SEMA6A: variants seen among roughly 807,000 people sequenced by gnomAD.
The protein encoded by SEMA6A is semaphorin-6A.
SEMA6A carries 25 observed loss-of-function variants against 96.8 expected under a neutral mutation model. The observed-to-expected ratio is 0.26, with a 90% confidence interval of 0.19 to 0.36. The LOEUF (loss-of-function observed/expected upper bound fraction) is 0.36. Ranked by LOEUF, SEMA6A falls within the 10% of genes least tolerant of loss-of-function variation. SEMA6A has a pLI of 1.00. For synonymous variants in SEMA6A, 612 were observed against 518.0 expected, an observed-to-expected ratio of 1.18 and a Z score of -2.46; for missense variants, 1,363 against 1,323.1, an observed-to-expected ratio of 1.03 and a Z score of -0.47.
intron 1 of SEMA6A, among the ~76,000 whole-genome samples, chr5:116,542,725 C>A (rs924220340): frequency 2.5e-4 from 38 of 152,132 alleles, no homozygotes; most frequent in Non-Finnish European, 4.0e-4. Context: ...TATCTTAAAC[C>A]CTGGTCAAGC....
At chr5:116,496,088 A>T (rs1016197092) in intron 5 of SEMA6A, 163 bp downstream of exon 5, 28 of 602,612 alleles carry the variant, frequency 4.6e-5, no homozygotes, top group Non-Finnish European at 7.9e-5. Flanking sequence ...TTAAAAGCAA[A>T]CTATTTTTGC....
chr5:116,568,445 G>T (rs576704928), intron 1 of SEMA6A, among the ~76,000 whole-genome samples: 1 of 152,222 alleles, frequency 6.6e-6, no homozygotes, highest in Admixed American at 6.5e-5. Flanking sequence ...AGAAACATGG[G>T]TTAATAAAGT....
chr5:116,507,627 A>G lies in SEMA6A; in HGVS notation c.-38-2645T>C, dbSNP rs190457246. Among the ~76,000 whole-genome samples, 492 of 152,360 alleles carry G rather than the reference A, an allele frequency of 3.2e-3. 4 individuals are homozygous for G. Among genetic ancestry groups the G allele is most frequent in the African/African-American group, 0.011 (445 of 41,594 alleles). On this transcript the variant is annotated intron_variant, in intron 1 of 18. Transcript: ENST00000343348. Reference sequence around the variant, plus strand: ...ACCCACATGTAGCATATTTATAGGTATCTGCAAACATTTGTCGATTTCCCT... The same window carrying G: ...ACCCACATGTAGCATATTTATAGGTGTCTGCAAACATTTGTCGATTTCCCT...
chr5:116,447,865 G>A, intron 18 of SEMA6A, 54 bp from the exon 19 acceptor site: 2 of 1,415,666 alleles, frequency 1.4e-6, no homozygotes, highest in Non-Finnish European at 1.9e-6. Flanking sequence ...CCCGAGGCTT[G>A]TTTTTGCTTG....
chr5:116,522,450 A>T (rs1759002585), intron 1 of SEMA6A, among the ~76,000 whole-genome samples: 1 of 152,152 alleles, frequency 6.6e-6, no homozygotes. Flanking sequence ...GGGTGAGGGA[A>T]TTTATAGGCA....
Position 116,447,216 on chromosome 5 carries a change from C to G in SEMA6A, c.2490G>C (p.Val830=). 1 of 1,614,046 alleles carries G rather than the reference C, an allele frequency of 6.2e-7. No individual in the cohort carries two copies. Among genetic ancestry groups the G allele is most frequent in the Non-Finnish European group, 8.5e-7 (1 of 1,179,898 alleles). The change falls in exon 19 of 19, where the codon GTG becomes GTC. Residue 830 remains valine, a synonymous_variant. Transcript: ENST00000343348. The stretch of plus-strand genomic sequence containing the variant: ...CCACCTCGCTCATTTTGGGCTGGTC[C>G]ACGTACTCATGCTGGTAGCCCTGCT... ...ITQQGYQHEY[V]DQPKMSEVAQ...
chr5:116,533,224 A>T (rs1408607240), intron 1 of SEMA6A, among the ~76,000 whole-genome samples: 2 of 149,292 alleles, frequency 1.3e-5, no homozygotes, highest in Non-Finnish European at 3.0e-5. Flanking sequence ...TGGGCTTTCT[A>T]CTCTATGTCA....
At chr5:116,520,006 C>T (rs1580467508) in intron 1 of SEMA6A, among the ~76,000 whole-genome samples, 1 of 152,268 alleles carries the variant, frequency 6.6e-6, no homozygotes, top group Admixed American at 6.5e-5. Flanking sequence ...CCAGTGGCTT[C>T]TTAATGTATT....
At chr5:116,463,111 C>A (rs550720847) in intron 18 of SEMA6A, among the ~76,000 whole-genome samples, 2 of 152,148 alleles carry the variant, frequency 1.3e-5, no homozygotes, top group Non-Finnish European at 2.9e-5. Context: ...CCAGTGTAAA[C>A]CCTATTCTCT....
intron 1 of SEMA6A, among the ~76,000 whole-genome samples, chr5:116,507,026 C>T (rs1436228892): frequency 6.6e-6 from 1 of 152,146 alleles, no homozygotes; most frequent in African/African-American, 2.4e-5. Context: ...GCAAAATTCT[C>T]AACCCCAGAA....
At chr5:116,540,104 A>T (rs1471300186) in intron 1 of SEMA6A, among the ~76,000 whole-genome samples, 1 of 152,174 alleles carries the variant, frequency 6.6e-6, no homozygotes, top group African/African-American at 2.4e-5. Context: ...TTGGTTATGT[A>T]AAAGATTGAT....
intron 3 of SEMA6A, chr5:116,498,932 C>T (rs1168104160): frequency 6.6e-6 from 1 of 152,124 alleles, no homozygotes; most frequent in Non-Finnish European, 1.5e-5. Flanking sequence ...TCTCAGATTG[C>T]CCCCTTTTGG....
At chr5:116,478,207 G>T (rs1756562370) in intron 13 of SEMA6A, 53 bp from the exon 14 acceptor site, 1 of 1,579,968 alleles carries the variant, frequency 6.3e-7, no homozygotes, top group African/African-American at 1.4e-5. Flanking sequence ...CTTTTTCTCG[G>T]CCCCACCCTC....
intron 4 of SEMA6A, 143 bp from the exon 5 acceptor site, chr5:116,496,456 C>T (rs540872374): frequency 7.2e-5 from 42 of 585,554 alleles, no homozygotes; most frequent in African/African-American, 4.8e-4. Context: ...ATTAATTCAC[C>T]GTAACAACAA....
At chr5:116,467,088 A>C (rs1755803101) in intron 18 of SEMA6A, among the ~76,000 whole-genome samples, 1 of 152,184 alleles carries the variant, frequency 6.6e-6, no homozygotes, top group Non-Finnish European at 1.5e-5. Context: ...CGTCTGAGGA[A>C]CATGGCTCTA....
chr5:116,478,627 A>G lies in SEMA6A; in HGVS notation c.1342T>C (p.Leu448=). The change falls in exon 13 of 19, where the codon TTG becomes CTG. Residue 448 remains leucine (L), a synonymous_variant. Transcript: ENST00000343348. ...VFLGSEKGII[L]KFLARIGNSG... ...TTTCCTATTCTGGCCAAAAACTTCAAGATGATTCCCTTCTCTGATCCCAGA... is the reference window on the plus strand; with the variant it reads ...TTTCCTATTCTGGCCAAAAACTTCAGGATGATTCCCTTCTCTGATCCCAGA... 6.2e-7 allele frequency: 1 copy of G among 1,613,692 alleles called. No individual in the cohort carries two copies. The highest frequency in any genetic ancestry group is 8.5e-7 in the Non-Finnish European group (1 of 1,179,814).
chr5:116,454,826 G>A (rs1323084887), intron 18 of SEMA6A, among the ~76,000 whole-genome samples: 2 of 151,432 alleles, frequency 1.3e-5, no homozygotes, highest in East Asian at 1.9e-4. Context: ...GTGTGTGCGC[G>A]TGTGTGTGTA....
At chr5:116,448,726 A>AATGTTTGT (rs1754432665) in intron 18 of SEMA6A, among the ~76,000 whole-genome samples, 1 of 135,984 alleles carries the variant, frequency 7.4e-6, no homozygotes, top group Non-Finnish European at 1.5e-5. Context: ...ACAGACTACA[A>AATGTTTGT]ATGTTTGTGC....
intron 1 of SEMA6A, among the ~76,000 whole-genome samples, chr5:116,511,966 G>C (rs1758425556): frequency 6.6e-6 from 1 of 152,248 alleles, no homozygotes; most frequent in Non-Finnish European, 1.5e-5. Flanking sequence ...TCTGTCCAGA[G>C]AGAGATGGGA....
Sources: allele counts gnomAD v4.1 joint callset (sites outside exome capture counted in the v4.1 genomes callset), GRCh38; gene constraint gnomAD v4.1.1; transcripts MANE v1.5; gene names NCBI Gene and HGNC (gene_info 2026-07-23, HGNC 2026-07-21).